The following STK33 variants were observed in gnomAD, a reference collection of about 807,000 sequenced individuals.
STK33 encodes serine/threonine-protein kinase 33.
Under a neutral mutation model 58.0 loss-of-function variants are expected in STK33, and 52 were observed. That is an observed-to-expected ratio of 0.90 (90% CI 0.72 to 1.13). The LOEUF is 1.13. Among genes scored for constraint, STK33 ranks in the 50% most tolerant of loss-of-function variants. The probability of loss-of-function intolerance (pLI) is 0.00; values close to 1 mark genes in which losing one functional copy is unlikely to be tolerated. For missense variants in STK33, 630 were observed against 604.2 expected, an observed-to-expected ratio of 1.04 and a Z score of -0.45; for synonymous variants, 215 against 200.1, an observed-to-expected ratio of 1.07 and a Z score of -0.63.
chr11:8,592,547 G>C (rs921810568), intron 1 of STK33, among the ~76,000 whole-genome samples: 15 of 152,152 alleles, frequency 9.9e-5, no homozygotes, highest in African/African-American at 3.4e-4. Flanking sequence ...GCAATGTTTC[G>C]ATGTTTTGAG....
intron 1 of STK33, among the ~76,000 whole-genome samples, chr11:8,552,069 T>C (rs561298472): frequency 3.9e-5 from 6 of 152,096 alleles, no homozygotes; most frequent in Non-Finnish European, 5.9e-5. Flanking sequence ...TCCTATGGAG[T>C]GCATCTGGAG....
At chr11:8,392,734 A>C (rs1564834702) in intron 15 of STK33, 24 bp from the exon 16 acceptor site, 1 of 1,611,790 alleles carries the variant, frequency 6.2e-7, no homozygotes, top group African/African-American at 1.3e-5. Flanking sequence ...GTCTTGATTA[A>C]TTTTCAGACA....
At chr11:8,368,292 G>C in the STK33 span, among the ~76,000 whole-genome samples, 1 of 152,208 alleles carries the variant, frequency 6.6e-6, no homozygotes, top group African/African-American at 2.4e-5. Flanking sequence ...GTTTCCTCAA[G>C]AGCCAGCAGT....
rs142216473 is a variant in STK33, at chr11:8,446,899, T to C, written c.871+5923A>G. Among the ~76,000 whole-genome samples, 1,341 of 152,272 alleles carry C rather than the reference T, an allele frequency of 8.8e-3. 9 individuals are homozygous for C. The highest frequency in any genetic ancestry group is 0.048 in the Middle Eastern group (14 of 294). ...AACCTAAGCAATACCATTCAGGATA[T>C]AGGCATGGGCAAAGACTTCATGACT... is the stretch of plus-strand genomic sequence containing the variant. On this transcript the variant is annotated intron_variant, in intron 11 of 15. Transcript: ENST00000687296.
chr11:8,545,692 A>T (rs1955853883), intron 1 of STK33, among the ~76,000 whole-genome samples: 1 of 152,214 alleles, frequency 6.6e-6, no homozygotes, highest in African/African-American at 2.4e-5. Flanking sequence ...CAAGAAACAT[A>T]AAGGTCTAGT....
At chr11:8,511,647 G>A (rs1203302121) in intron 1 of STK33, among the ~76,000 whole-genome samples, 1 of 152,146 alleles carries the variant, frequency 6.6e-6, no homozygotes, top group Non-Finnish European at 1.5e-5. Context: ...TTTGAGGTAT[G>A]TCCCTTCTAT....
intron 1 of STK33, among the ~76,000 whole-genome samples, chr11:8,485,224 G>T (rs1301695476): frequency 6.6e-6 from 1 of 152,082 alleles, no homozygotes; most frequent in African/African-American, 2.4e-5. Flanking sequence ...TTTCCAAAAA[G>T]TCCATGCAGA....
chr11:8,534,568 CTGTGTG>C (rs34999243), intron 1 of STK33, among the ~76,000 whole-genome samples: 21 of 104,734 alleles, frequency 2.0e-4, no homozygotes, highest in Non-Finnish European at 2.8e-4. Flanking sequence ...CTCTCTCTCT[CTGTGTG>C]TGTGTGTGTG....
At position 8,497,429 on chromosome 11, in the gene STK33, C is replaced by T. The variant is rs551808573; in HGVS notation, c.-465-16815G>A. On this transcript the variant is annotated intron_variant, in intron 1 of 15. Transcript: ENST00000687296. ...TAACAACTAAATTGTCAACAGAAAC[C>T]ATGGAGGCCAGAAGGAAATTCGATG... Among the ~76,000 whole-genome samples the T allele has an allele frequency of 2.0e-5, 3 of 152,280 alleles. No homozygotes were observed. In the East Asian group the frequency reaches 5.8e-4, roughly 29 times the overall value.
chr11:8,528,662 T>C (rs1334999920), intron 1 of STK33, among the ~76,000 whole-genome samples: 1 of 152,226 alleles, frequency 6.6e-6, no homozygotes, highest in African/African-American at 2.4e-5. Flanking sequence ...ACCTGGAACA[T>C]TAGTCAATTC....
intron 1 of STK33, among the ~76,000 whole-genome samples, chr11:8,518,109 C>CCTTTCT (rs1205025283): frequency 6.6e-6 from 1 of 152,118 alleles, no homozygotes; most frequent in African/African-American, 2.4e-5. Context: ...GGGTTACCCA[C>CCTTTCT]AAAGGGAAGC....
intron 1 of STK33, among the ~76,000 whole-genome samples, chr11:8,554,191 A>AG (rs1394220782): frequency 3.3e-5 from 5 of 152,096 alleles, no homozygotes; most frequent in African/African-American, 1.2e-4. Flanking sequence ...AGGGTGAGGC[A>AG]GGTGGACTAC....
chr11:8,509,116 C>CAAAA (rs1161851155), intron 1 of STK33, among the ~76,000 whole-genome samples: 13 of 45,382 alleles, frequency 2.9e-4, no homozygotes, highest in Admixed American at 4.3e-4. Context: ...AACTCTGTCT[C>CAAAA]AAAAAAAAAA....
intron 1 of STK33, among the ~76,000 whole-genome samples, chr11:8,549,032 G>C (rs1351212181): frequency 6.6e-6 from 1 of 152,118 alleles, no homozygotes; most frequent in Non-Finnish European, 1.5e-5. Context: ...CAGATGACAT[G>C]ATCTTATATT....
intron 1 of STK33, among the ~76,000 whole-genome samples, chr11:8,505,270 C>T (rs900402392): frequency 2.0e-5 from 3 of 152,146 alleles, no homozygotes; most frequent in African/African-American, 4.8e-5. Flanking sequence ...AATGAAGCCA[C>T]GCAGTCTGTT....
chr11:8,474,954 G>C lies in STK33; in HGVS notation c.-49C>G, dbSNP rs752275770. ...AACTTTAAAAATGTTTCCACTGTTT[G>C]AGGAAGAAAACCAGGCCAAAAAGGA... On this transcript the variant is annotated 5_prime_UTR_variant, in exon 5 of 16. Coordinates refer to ENST00000687296, the MANE Select transcript of STK33 (RefSeq NM_001352389.2). 1 of 1,516,406 alleles carries C rather than the reference G, an allele frequency of 6.6e-7. No individual in the cohort carries two copies. Among genetic ancestry groups the C allele is most frequent in the South Asian group, 1.3e-5 (1 of 75,032 alleles). The allele number at this position is 1,516,406 out of a possible 1,614,324, so 93.9% of individuals were successfully genotyped here.
At chr11:8,558,519 T>C (rs1014528942) in intron 1 of STK33, among the ~76,000 whole-genome samples, 2 of 151,978 alleles carry the variant, frequency 1.3e-5, no homozygotes, top group Non-Finnish European at 2.9e-5. Flanking sequence ...AACCTGAAGT[T>C]TACTTATAGA....
chr11:8,587,465 T>C (rs900035166), intron 1 of STK33, among the ~76,000 whole-genome samples: 1 of 151,958 alleles, frequency 6.6e-6, no homozygotes, highest in East Asian at 1.9e-4. Flanking sequence ...CACTGCACGC[T>C]TGAACCTCTG....
At chr11:8,385,287 T>A in the STK33 span, among the ~76,000 whole-genome samples, 1 of 152,232 alleles carries the variant, frequency 6.6e-6, no homozygotes, top group Non-Finnish European at 1.5e-5. Context: ...TTTAAACACA[T>A]AATCAGACGT....
Sources: allele counts gnomAD v4.1 joint callset (sites outside exome capture counted in the v4.1 genomes callset), GRCh38; gene constraint gnomAD v4.1.1; transcripts MANE v1.5; gene names NCBI Gene and HGNC (gene_info 2026-07-23, HGNC 2026-07-21).